The following MRPL44 variants were observed in gnomAD, a reference collection of about 807,000 sequenced individuals.
The protein encoded by MRPL44 is large ribosomal subunit protein mL44.
A neutral mutation model predicts 25.9 loss-of-function variants in MRPL44; 21 were observed. The ratio of observed to expected loss-of-function variants is 0.81; its 90% CI spans 0.58 to 1.17. MRPL44 has a LOEUF of 1.17. MRPL44 is among the 50% of genes most tolerant of loss of function. MRPL44 has a pLI of 0.00. For missense variants in MRPL44, 410 were observed against 398.9 expected (o/e 1.03, Z -0.24); for synonymous variants, 169 against 151.0 (o/e 1.12, Z -0.87).
In MRPL44 at chr2:223,963,778, C is replaced by T. The variant is rs201186544; in HGVS notation, c.671C>T (p.Thr224Ile). 19 of 1,603,116 alleles carry T rather than the reference C, an allele frequency of 1.2e-5. No individual in the cohort carries two copies. Among genetic ancestry groups the T allele is most frequent in the South Asian group, 2.3e-5 (2 of 88,300 alleles). The change falls in exon 3 of 4, where the codon ACT becomes ATT. Residue 224 changes from threonine (T) to isoleucine (I), a missense_variant. Physicochemically the swap from Thr to Ile is moderately conservative, Grantham distance 89. Transcript: ENST00000258383. ...FIRDFLITQM[T>I]GKELFEMWKI... Reference sequence around the variant, plus strand: ...CAGGACTTCTTAATTACTCAAATGACTGGAAAAGAGCTCTTTGAGATGTGG... The same window carrying T: ...CAGGACTTCTTAATTACTCAAATGATTGGAAAAGAGCTCTTTGAGATGTGG...
rs778904697 is a variant in MRPL44 at position 223,967,020 on chromosome 2, A to G, written c.985A>G (p.Ile329Val). 6.2e-7 allele frequency: 1 copy of G among 1,612,016 alleles called. No individual in the cohort carries two copies. The highest frequency in any genetic ancestry group is 1.7e-5 in the Admixed American group (1 of 59,780). The change falls in exon 4 of 4, where the codon ATC (isoleucine) becomes GTC (valine). Residue 329 changes from isoleucine (I) to valine (V), a missense_variant. By Grantham distance (29) the Ile-to-Val change is conservative. Transcript: ENST00000258383. ...AGAAACCTTGAGAGCAGAAAAGAGC[A>G]TCACTGCCAGCTAGCCGCCATGGAT... ...PKETLRAEKS[I>V]TAS
At chr2:223,961,399 G>A (rs537951445) in intron 2 of MRPL44, among the ~76,000 whole-genome samples, 100 of 152,358 alleles carry the variant, frequency 6.6e-4, no homozygotes, top group African/African-American at 2.3e-3. Flanking sequence ...ACCTTTAAGA[G>A]CCAGTGTACA....
chr2:223,963,690 G>A (rs1032477907), intron 2 of MRPL44, 66 bp from the exon 3 acceptor site: 3 of 1,022,264 alleles, frequency 2.9e-6, no homozygotes, highest in Non-Finnish European at 3.9e-6. Flanking sequence ...TGTAAAAAAT[G>A]TATTTTGAAT....
At chr2:223,966,085 G>A (rs1022645498) in intron 3 of MRPL44, among the ~76,000 whole-genome samples, 1 of 152,052 alleles carries the variant, frequency 6.6e-6, no homozygotes, top group Non-Finnish European at 1.5e-5. Context: ...CTAGCTGGGC[G>A]TGTTGGCGGG....
chr2:223,963,843 A>G lies in MRPL44; in HGVS notation c.736A>G (p.Lys246Glu), dbSNP rs1473955511. ...CATGGGGCTATTGGTAGAAGAACTGAAGAAAAGGAATGTTTCAGCTCCTGA... is the reference window on the plus strand; with the variant it reads ...CATGGGGCTATTGGTAGAAGAACTGGAGAAAAGGAATGTTTCAGCTCCTGA... Reference protein sequence around the residue: ...NPMGLLVEELKKRNVSAPESR... With the variant: ...NPMGLLVEELEKRNVSAPESR... Residue 246 changes from lysine to glutamate, a missense_variant, in exon 3 of 4, where the codon AAG (lysine) becomes GAG (glutamate). Lys to Glu is a moderately conservative substitution (Grantham distance 56, BLOSUM62 1). Coordinates refer to ENST00000258383, the MANE Select transcript of MRPL44 (RefSeq NM_022915.5). The G allele has an allele frequency of 5.6e-6, 9 of 1,613,838 alleles. No homozygotes were observed. The African/African-American group carries it at 8.0e-5, about 14-fold the overall frequency.
At chr2:223,960,218 C>T (rs530841050) in intron 2 of MRPL44, among the ~76,000 whole-genome samples, 1 of 152,184 alleles carries the variant, frequency 6.6e-6, no homozygotes, top group South Asian at 2.1e-4. Context: ...GTTGTGATTT[C>T]TGAAGGACCA....
chr2:223,957,365 GC>G, upstream of MRPL44: 1 of 1,444,722 alleles, frequency 6.9e-7, no homozygotes, highest in Non-Finnish European at 9.6e-7. Flanking sequence ...GGCTGTCTCC[GC>G]CCCAGCCTTC....
At position 223,959,795 on chromosome 2, in the gene MRPL44, C is replaced by T. The variant is rs766280650; in HGVS notation, c.441C>T (p.Asp147=). 11 of 1,614,204 alleles carry T rather than the reference C, an allele frequency of 6.8e-6. No homozygotes were observed. Among genetic ancestry groups the T allele is most frequent in the Non-Finnish European group, 9.3e-6 (11 of 1,180,038 alleles). The change falls in exon 2 of 4, where the codon GAC becomes GAT. Residue 147 remains aspartate (D), a synonymous_variant. Transcript: ENST00000258383. ...LTQFLEDEYP[D]MPTEGIKNLV... is the part of the protein sequence containing the mutation. Reference sequence around the variant, plus strand: ...AGTTTCTTGAAGACGAGTACCCAGACATGCCCACTGAAGGCATAAAAAATC... The same window carrying T: ...AGTTTCTTGAAGACGAGTACCCAGATATGCCCACTGAAGGCATAAAAAATC...
upstream of MRPL44, chr2:223,957,414 G>A: frequency 6.2e-7 from 1 of 1,601,582 alleles, no homozygotes; most frequent in Non-Finnish European, 8.6e-7. Flanking sequence ...GGGGAAGTGT[G>A]TTACGGGGAC....
rs369177059 is a variant in MRPL44 at position 223,966,821 on chromosome 2, A to G, written c.828-42A>G. 111 of 1,572,750 alleles carry G rather than the reference A, an allele frequency of 7.1e-5. 1 individual carries two copies. The highest frequency in any genetic ancestry group is 3.6e-5 in the Admixed American group (2 of 55,952). On this transcript the variant is annotated intron_variant, in intron 3 of 3. Coordinates refer to ENST00000258383, the MANE Select transcript of MRPL44 (RefSeq NM_022915.5). ...TAACTGCTTTGTGTACTGTCTTACA[A>G]TATTCCATGTAATTTAAGACTACTG... is the stretch of plus-strand genomic sequence containing the variant.
chr2:223,956,706 G>A (rs1036854019), upstream of MRPL44, among the ~76,000 whole-genome samples: 1 of 152,190 alleles, frequency 6.6e-6, no homozygotes, highest in Admixed American at 6.5e-5. Context: ...TAGATGTTCA[G>A]CAGGCAACTC....
At chr2:223,962,000 G>C (rs1182374091) in intron 2 of MRPL44, among the ~76,000 whole-genome samples, 1 of 152,062 alleles carries the variant, frequency 6.6e-6, no homozygotes, top group Non-Finnish European at 1.5e-5. Context: ...ATCTACCTCT[G>C]TACATTAAAA....
Position 223,966,855 on chromosome 2 carries a change from C to CT in MRPL44, c.828-5dup, listed in dbSNP as rs763598056. The CT allele has an allele frequency of 7.6e-5, 123 of 1,610,596 alleles. No homozygotes were observed. Among genetic ancestry groups the CT allele is most frequent in the Admixed American group, 1.4e-4 (8 of 59,166 alleles). On this transcript the variant is annotated splice_region_variant and splice_polypyrimidine_tract_variant and intron_variant, in intron 3 of 3. Coordinates refer to ENST00000258383, the MANE Select transcript of MRPL44 (RefSeq NM_022915.5). ...GTAATTTAAGACTACTGTTTGTTCTCTTTCTAGTGATAAAAAGTTGATTGC... is the reference window on the plus strand; with the variant it reads ...GTAATTTAAGACTACTGTTTGTTCTCTTTTCTAGTGATAAAAAGTTGATTGC...
chr2:223,952,604 T>A (rs973400682), upstream of MRPL44, among the ~76,000 whole-genome samples: 2 of 152,188 alleles, frequency 1.3e-5, no homozygotes, highest in African/African-American at 4.8e-5. Context: ...GACTAAAGCC[T>A]CCGTTGTACA....
Position 223,962,392 on chromosome 2 carries a change from CTTCAT to C in MRPL44, c.649-1358_649-1354del, listed in dbSNP as rs769077815. Among the ~76,000 whole-genome samples, 11 of 152,234 alleles carry C rather than the reference CTTCAT, an allele frequency of 7.2e-5. No homozygotes were observed. The East Asian group carries it at 1.4e-3, about 19-fold the overall frequency. On this transcript the variant is annotated intron_variant, in intron 2 of 3. Transcript: ENST00000258383. ...TTGGAGGAGTGTTGTAATGAATTGA[CTTCAT>C]TTCATGAACTAAGTGATCTTTTTAA...
chr2:223,957,955 C>T (rs1405766811), intron 1 of MRPL44, among the ~76,000 whole-genome samples: 2 of 152,106 alleles, frequency 1.3e-5, no homozygotes, highest in Non-Finnish European at 2.9e-5. Context: ...GTTGTAGTCC[C>T]CGTTTGTAAT....
upstream of MRPL44, chr2:223,957,388 C>T (rs1296934701): frequency 1.3e-5 from 21 of 1,558,126 alleles, no homozygotes; most frequent in Non-Finnish European, 1.8e-5. Flanking sequence ...CTTCGCGTTC[C>T]GCGTTCCGGG....
chr2:223,954,799 A>G (rs1472908843), upstream of MRPL44, among the ~76,000 whole-genome samples: 1 of 152,182 alleles, frequency 6.6e-6, no homozygotes, highest in Non-Finnish European at 1.5e-5. Flanking sequence ...TCCCAGCACA[A>G]TGTGAGAGGG....
chr2:223,958,022 GA>G (rs552013401), intron 1 of MRPL44, among the ~76,000 whole-genome samples: 7 of 151,882 alleles, frequency 4.6e-5, no homozygotes, highest in Admixed American at 4.6e-4. Context: ...AAATTAAGGA[GA>G]AAAAAAATTA....
Sources: gnomAD v4.1 joint callset for allele counts (sites outside exome capture counted in the v4.1 genomes callset) on GRCh38, gnomAD v4.1.1 for gene constraint, MANE v1.5 for transcripts, NCBI Gene and HGNC (gene_info 2026-07-23, HGNC 2026-07-21) for gene names.